FAF1: variants seen among roughly 807,000 people sequenced by gnomAD.
FAF1 encodes the protein Fas associated factor 1.
FAF1 carries 25 observed loss-of-function variants against 92.5 expected under a neutral mutation model. The observed-to-expected ratio is 0.27, with a 90% CI of 0.20 to 0.38. The LOEUF (loss-of-function observed/expected upper bound fraction) is 0.38. FAF1 is among the 10% of genes least tolerant of loss of function. The pLI, the probability that FAF1 is intolerant of heterozygous loss-of-function variation, is 1.00. For missense variants in FAF1, 636 were observed against 793.3 expected (o/e 0.80, Z 2.38); for synonymous variants, 234 against 273.2 (o/e 0.86, Z 1.42).
At chr1:50,752,775 C>T (rs571619421) in intron 4 of FAF1, among the ~76,000 whole-genome samples, 39 of 152,152 alleles carry the variant, frequency 2.6e-4, no homozygotes, top group African/African-American at 8.2e-4. Context: ...CTCCGCCTCC[C>T]GGGTTCAAGT....
At chr1:50,944,283 C>A (rs1645157084) in intron 1 of FAF1, among the ~76,000 whole-genome samples, 1 of 152,204 alleles carries the variant, frequency 6.6e-6, no homozygotes, top group African/African-American at 2.4e-5. Flanking sequence ...CAGCAGTCAG[C>A]TAAATTTAAT....
chr1:50,900,743 A>AT (rs1267015192), intron 1 of FAF1, among the ~76,000 whole-genome samples: 3 of 152,202 alleles, frequency 2.0e-5, no homozygotes, highest in African/African-American at 4.8e-5. Context: ...ATAAATCGTC[A>AT]TTTTTTATAA....
chr1:50,545,063 G>T (rs1366508719), intron 13 of FAF1, among the ~76,000 whole-genome samples: 1 of 151,538 alleles, frequency 6.6e-6, no homozygotes, highest in Non-Finnish European at 1.5e-5. Flanking sequence ...ACCATAACTA[G>T]GCCAAAAGAT....
chr1:50,596,039 T>C (rs548361239), intron 9 of FAF1, 82 bp downstream of exon 9: 6 of 860,630 alleles, frequency 7.0e-6, no homozygotes, highest in Non-Finnish European at 1.2e-5. Context: ...TTCATTGCTC[T>C]GGCAGATAAA....
intron 6 of FAF1, 45 bp from the exon 7 acceptor site, chr1:50,705,936 T>C (rs1218080428): frequency 1.6e-6 from 2 of 1,228,304 alleles, no homozygotes; most frequent in South Asian, 2.5e-5. Flanking sequence ...GATGAACAAG[T>C]TCTAGCTTGC....
rs760012763 is a variant in FAF1 at position 50,681,836 on chromosome 1, T to G, written c.657+23950A>C. Among the ~76,000 whole-genome samples the G allele has an allele frequency of 2.7e-4, 41 of 151,026 alleles. 1 individual carries two copies. Among genetic ancestry groups the G allele is most frequent in the Admixed American group, 1.8e-3 (27 of 15,126 alleles). ...TCCCGGCCTCTTTTGTTTTTTTTGG[T>G]TTTTTTTCCTCTTTTTGAGACAGGG... On this transcript the variant is annotated intron_variant, in intron 7 of 18. Coordinates refer to ENST00000396153, the MANE Select transcript of FAF1 (RefSeq NM_007051.3).
At chr1:50,663,995 A>C (rs1655507513) in intron 7 of FAF1, among the ~76,000 whole-genome samples, 1 of 142,906 alleles carries the variant, frequency 7.0e-6, no homozygotes, top group Non-Finnish European at 1.5e-5. Context: ...AAAATCTGTT[A>C]ATCTTTTTTT....
intron 4 of FAF1, among the ~76,000 whole-genome samples, chr1:50,750,672 G>A (rs1431682486): frequency 6.8e-6 from 1 of 146,332 alleles, no homozygotes; most frequent in African/African-American, 2.6e-5. Flanking sequence ...TGCCCAGGCT[G>A]GAGTGCAGTG....
At chr1:50,882,765 C>T (rs1236451058) in intron 1 of FAF1, among the ~76,000 whole-genome samples, 1 of 151,814 alleles carries the variant, frequency 6.6e-6, no homozygotes, top group African/African-American at 2.4e-5. Flanking sequence ...GTGGGCAGAT[C>T]ACCTGAGGTC....
chr1:50,681,006 T>C (rs1335901606), intron 7 of FAF1, among the ~76,000 whole-genome samples: 5 of 151,784 alleles, frequency 3.3e-5, no homozygotes, highest in Non-Finnish European at 7.4e-5. Context: ...ATATTATAGA[T>C]TACAAACACT....
At chr1:50,688,041 A>C (rs573563936) in intron 7 of FAF1, among the ~76,000 whole-genome samples, 1 of 152,124 alleles carries the variant, frequency 6.6e-6, no homozygotes, top group Admixed American at 6.5e-5. Context: ...AGGCTGAGGC[A>C]GAAGAACAGC....
intron 8 of FAF1, among the ~76,000 whole-genome samples, chr1:50,648,886 A>AT (rs1190507549): frequency 6.6e-6 from 1 of 152,202 alleles, no homozygotes; most frequent in African/African-American, 2.4e-5. Flanking sequence ...AGATCGTGCC[A>AT]TTGCACTCCA....
intron 8 of FAF1, among the ~76,000 whole-genome samples, chr1:50,618,405 G>C (rs1222779616): frequency 7.8e-6 from 1 of 127,808 alleles, no homozygotes; most frequent in Non-Finnish European, 1.7e-5. Flanking sequence ...TGTTTGTGTA[G>C]TTTTTAGAGT....
chr1:50,678,914 C>A (rs1467104465), intron 7 of FAF1, among the ~76,000 whole-genome samples: 1 of 151,346 alleles, frequency 6.6e-6, no homozygotes, highest in Non-Finnish European at 1.5e-5. Flanking sequence ...GGTGAAACCC[C>A]ATCTCTACTA....
At chr1:50,527,860 C>CCCCTCT in intron 15 of FAF1, among the ~76,000 whole-genome samples, 1 of 61,142 alleles carries the variant, frequency 1.6e-5, no homozygotes, top group Non-Finnish European at 3.6e-5. Flanking sequence ...TCCCTCTCTC[C>CCCCTCT]CTCTCTCCCT....
chr1:50,894,944 C>G (rs1222325185), intron 1 of FAF1, among the ~76,000 whole-genome samples: 2 of 151,872 alleles, frequency 1.3e-5, no homozygotes, highest in African/African-American at 2.4e-5. Context: ...GGTGGAAAAG[C>G]AAACAACCTA....
intron 6 of FAF1, among the ~76,000 whole-genome samples, chr1:50,722,630 C>G (rs1431587156): frequency 7.7e-6 from 1 of 130,406 alleles, no homozygotes; most frequent in Non-Finnish European, 1.5e-5. Context: ...GCCTGGGCGA[C>G]AGAGAGCGAC....
chr1:50,637,714 C>T (rs12754810), intron 8 of FAF1, among the ~76,000 whole-genome samples: 61 of 81,862 alleles, frequency 7.5e-4, no homozygotes, highest in African/African-American at 2.0e-3. Context: ...TGTGTGTGTG[C>T]GTGTGCATAT....
At chr1:50,902,424 T>C (rs1027573300) in intron 1 of FAF1, among the ~76,000 whole-genome samples, 1 of 152,226 alleles carries the variant, frequency 6.6e-6, no homozygotes, top group Admixed American at 6.5e-5. Flanking sequence ...ATACTCTGGA[T>C]ACACTGGGTT....
Sources: allele counts gnomAD v4.1 joint callset (sites outside exome capture counted in the v4.1 genomes callset), GRCh38; gene constraint gnomAD v4.1.1; transcripts MANE v1.5; gene names NCBI Gene and HGNC (gene_info 2026-07-23, HGNC 2026-07-21).